The following FER1L6 variants were observed in gnomAD, a reference collection of about 807,000 sequenced individuals.
FER1L6 encodes the protein fer-1 like family member 6, also known as fer-1-like protein 6.
In FER1L6, 177 loss-of-function variants were observed where a neutral mutation model predicts 219.2. That is an observed-to-expected ratio of 0.81 (90% CI 0.71 to 0.91). The LOEUF is 0.91. Ranked by LOEUF, FER1L6 falls within the 40% of genes least tolerant of loss-of-function variation. FER1L6 has a pLI of 0.00. For synonymous variants in FER1L6, 768 were observed against 824.3 expected (o/e 0.93, Z 1.17); for missense variants, 2,153 against 2,259.9 (o/e 0.95, Z 0.96).
chr8:123,922,097 G>C (rs1405991662), intron 1 of FER1L6, among the ~76,000 whole-genome samples: 1 of 152,200 alleles, frequency 6.6e-6, no homozygotes, highest in Non-Finnish European at 1.5e-5. Context: ...AAATCCCTCA[G>C]AGCCGTGCCT....
At chr8:124,105,213 A>G (rs1340701281) in intron 39 of FER1L6, among the ~76,000 whole-genome samples, 2 of 152,250 alleles carry the variant, frequency 1.3e-5, no homozygotes, top group South Asian at 2.1e-4. Flanking sequence ...AGCAAATTCC[A>G]CAGGCGAATG....
At position 123,975,936 on chromosome 8, in the gene FER1L6, C is replaced by G; in HGVS notation, c.722C>G (p.Pro241Arg). 1 of 1,613,180 alleles carries G rather than the reference C, an allele frequency of 6.2e-7. No homozygotes were observed. The highest frequency in any genetic ancestry group is 8.5e-7 in the Non-Finnish European group (1 of 1,179,590). Residue 241 changes from proline (P) to arginine (R), a missense_variant, in exon 9 of 41, where the codon CCG becomes CGG. By Grantham distance (103) the Pro-to-Arg change is moderately radical. Coordinates refer to ENST00000522917, the MANE Select transcript of FER1L6 (RefSeq NM_001039112.2). Reference sequence around the variant, plus strand: ...CCCAATGGGTTTCCACTGGAGAGACCGTGGGCCAGATTCTATGTGAGACTC... The same window carrying G: ...CCCAATGGGTTTCCACTGGAGAGACGGTGGGCCAGATTCTATGTGAGACTC... ...LIPNGFPLER[P>R]WARFYVRLYK...
chr8:123,909,423 C>T (rs1813013365), intron 1 of FER1L6, among the ~76,000 whole-genome samples: 1 of 152,104 alleles, frequency 6.6e-6, no homozygotes, highest in Non-Finnish European at 1.5e-5. Flanking sequence ...TAAAAGACCT[C>T]TCTGGTTGCC....
chr8:124,070,954 C>T (rs1821044147), intron 30 of FER1L6, among the ~76,000 whole-genome samples: 1 of 152,210 alleles, frequency 6.6e-6, no homozygotes, highest in African/African-American at 2.4e-5. Flanking sequence ...CTTCATCTGG[C>T]AGACTTACAG....
At chr8:124,061,099 T>C (rs959921165) in intron 24 of FER1L6, among the ~76,000 whole-genome samples, 5 of 152,316 alleles carry the variant, frequency 3.3e-5, no homozygotes, top group Admixed American at 2.6e-4. Flanking sequence ...TGATATATGA[T>C]AAAATTTGAG....
At chr8:124,060,131 C>T in intron 22 of FER1L6, 49 bp from the exon 23 acceptor site, 2 of 1,438,976 alleles carry the variant, frequency 1.4e-6, no homozygotes, top group African/African-American at 2.8e-5. Flanking sequence ...GCACTGTTGC[C>T]TTCCCTGTGT....
At chr8:124,069,888 G>T (rs1820994552) in intron 29 of FER1L6, among the ~76,000 whole-genome samples, 1 of 152,056 alleles carries the variant, frequency 6.6e-6, no homozygotes, top group Non-Finnish European at 1.5e-5. Flanking sequence ...TATATTGATG[G>T]CTATGAAAAT....
chr8:124,047,405 C>T (rs1452205117), intron 21 of FER1L6, among the ~76,000 whole-genome samples: 1 of 152,216 alleles, frequency 6.6e-6, no homozygotes, highest in Non-Finnish European at 1.5e-5. Flanking sequence ...TGCATAGTGA[C>T]TGGTATACAA....
At chr8:123,996,748 T>C (rs1817151314) in intron 12 of FER1L6, among the ~76,000 whole-genome samples, 1 of 152,176 alleles carries the variant, frequency 6.6e-6, no homozygotes, top group African/African-American at 2.4e-5. Flanking sequence ...TTCTCTGGCA[T>C]GTTTTAATTT....
At chr8:124,027,266 C>T (rs892295589) in intron 18 of FER1L6, among the ~76,000 whole-genome samples, 3 of 152,248 alleles carry the variant, frequency 2.0e-5, no homozygotes, top group African/African-American at 7.2e-5. Flanking sequence ...AACAGAATTC[C>T]AGGGCCAATA....
In FER1L6 at chr8:123,974,659, C is replaced by CAAAAAAAAAAAAAA. The variant is rs994690186; in HGVS notation, c.527-481_527-468dup. On this transcript the variant is annotated intron_variant, in intron 7 of 40. Transcript: ENST00000522917. ...CAGGCATCACAGCGAGACTCTGTCT[C>CAAAAAAAAAAAAAA]AAAAAAAAAAAAAAAAAAAAAAAGA... Among the ~76,000 whole-genome samples, 180 of 47,736 alleles carry CAAAAAAAAAAAAAA rather than the reference C, an allele frequency of 3.8e-3. 4 individuals are homozygous for CAAAAAAAAAAAAAA. The highest frequency in any genetic ancestry group is 0.014 in the Middle Eastern group (1 of 74). The allele number at this position is 47,736 out of a possible 152,430, so 31.3% of individuals were successfully genotyped here.
intron 1 of FER1L6, among the ~76,000 whole-genome samples, chr8:123,951,607 A>G: frequency 6.6e-6 from 1 of 152,218 alleles, no homozygotes; most frequent in African/African-American, 2.4e-5. Context: ...CTTTTAAGAT[A>G]ACCTTTGAAT....
At chr8:124,069,745 C>T (rs1185340486) in intron 29 of FER1L6, among the ~76,000 whole-genome samples, 1 of 152,194 alleles carries the variant, frequency 6.6e-6, no homozygotes, top group Non-Finnish European at 1.5e-5. Context: ...TTGAGCTCCC[C>T]TTGGCCCATC....
At chr8:123,983,744 C>T (rs1483282663) in intron 11 of FER1L6, among the ~76,000 whole-genome samples, 3 of 152,188 alleles carry the variant, frequency 2.0e-5, no homozygotes, top group African/African-American at 7.2e-5. Context: ...TGCTTCTCAA[C>T]CTCTTATTAA....
At chr8:123,978,245 C>A (rs1183917371) in intron 10 of FER1L6, among the ~76,000 whole-genome samples, 1 of 152,118 alleles carries the variant, frequency 6.6e-6, no homozygotes, top group African/African-American at 2.4e-5. Context: ...GTCTATGGGC[C>A]AAATATGGCC....
chr8:124,069,251 T>G, intron 28 of FER1L6, 109 bp from the exon 29 acceptor site: 1 of 830,388 alleles, frequency 1.2e-6, no homozygotes, highest in South Asian at 1.5e-5. Flanking sequence ...TTACTATTTC[T>G]GAAGGGTCAC....
At chr8:124,019,552 T>A (rs937645800) in intron 16 of FER1L6, among the ~76,000 whole-genome samples, 1 of 152,222 alleles carries the variant, frequency 6.6e-6, no homozygotes, top group Non-Finnish European at 1.5e-5. Context: ...AGAGGCTTCC[T>A]ATGTGCCACA....
intron 12 of FER1L6, among the ~76,000 whole-genome samples, chr8:123,992,197 G>T (rs1035363584): frequency 2.0e-5 from 3 of 152,020 alleles, no homozygotes; most frequent in African/African-American, 4.8e-5. Flanking sequence ...TTGGAATCAG[G>T]GTGATATTGG....
At chr8:124,083,694 C>T (rs1331231641) in intron 33 of FER1L6, among the ~76,000 whole-genome samples, 1 of 152,056 alleles carries the variant, frequency 6.6e-6, no homozygotes, top group Non-Finnish European at 1.5e-5. Flanking sequence ...AATTTGAAGT[C>T]AGGTAATGTG....
Sources: gnomAD v4.1 joint callset for allele counts (sites outside exome capture counted in the v4.1 genomes callset) on GRCh38, gnomAD v4.1.1 for gene constraint, MANE v1.5 for transcripts, NCBI Gene and HGNC (gene_info 2026-07-23, HGNC 2026-07-21) for gene names.